AGO2: variants seen among roughly 807,000 people sequenced by gnomAD.
AGO2 encodes argonaute RISC catalytic component 2.
AGO2 carries 5 observed loss-of-function variants against 102.3 expected under a neutral mutation model. The ratio of observed to expected loss-of-function variants is 0.05; its 90% CI spans 0.03 to 0.10. AGO2 has a LOEUF of 0.10. AGO2 is among the 10% of genes least tolerant of loss of function. The pLI is 1.00. For missense variants in AGO2, 541 were observed against 1,183.7 expected (o/e 0.46, Z 7.97); for synonymous variants, 449 against 473.1 (o/e 0.95, Z 0.66).
intron 10 of AGO2, among the ~76,000 whole-genome samples, chr8:140,553,438 T>C (rs2073039853): frequency 6.8e-6 from 1 of 147,220 alleles, no homozygotes. Context: ...AGACGGAGTT[T>C]CGCTCTTGTT....
chr8:140,529,984 G>A lies in AGO2; in HGVS notation c.*2060C>T, dbSNP rs527263005. 3.9e-5 allele frequency: 6 copies of A among 152,178 alleles called. No individual in the cohort carries two copies. The highest frequency in any genetic ancestry group is 1.3e-4 in the Admixed American group (2 of 15,298). The allele number at this position is 152,178 out of a possible 1,614,324, so 9.4% of individuals were successfully genotyped here. On this transcript the variant is annotated 3_prime_UTR_variant, in exon 19 of 19. Coordinates refer to ENST00000220592, the MANE Select transcript of AGO2 (RefSeq NM_012154.5). ...GAATGCATCCATTAATTTAAGCTACGAGCATGTCTGTATCCTTCTGAAAAC... is the reference window on the plus strand; with the variant it reads ...GAATGCATCCATTAATTTAAGCTACAAGCATGTCTGTATCCTTCTGAAAAC...
chr8:140,527,328 G>A lies in AGO2; in HGVS notation c.*4716C>T, dbSNP rs527858872. The stretch of plus-strand genomic sequence containing the variant: ...AACTTTAACACATAATACTGAATAC[G>A]AGGCAGTGTCTCCACAACAGAGCCA... On this transcript the variant is annotated 3_prime_UTR_variant, in exon 19 of 19. Coordinates refer to ENST00000220592, the MANE Select transcript of AGO2 (RefSeq NM_012154.5). The surrounding 1 kb of genome is among the most constrained non-coding windows in gnomAD (Gnocchi z 6.0). The A allele has an allele frequency of 3.3e-5, 5 of 152,364 alleles. No individual in the cohort carries two copies. Among genetic ancestry groups the A allele is most frequent in the East Asian group, 1.9e-4 (1 of 5,182 alleles). 9.4% of individuals were successfully genotyped at this position (152,364 alleles called of 1,614,324 possible). A position where few individuals can be genotyped will look rare whatever the true frequency, so the allele number is the denominator to read the frequency against.
At chr8:140,568,103 C>CAAAAAAA (rs553804959) in intron 3 of AGO2, among the ~76,000 whole-genome samples, 284 of 110,554 alleles carry the variant, frequency 2.6e-3, no homozygotes, top group African/African-American at 4.0e-3. Context: ...ACTAAAAATA[C>CAAAAAAA]AAAAAAAAAA....
chr8:140,630,467 T>A (rs2074327924), intron 1 of AGO2, among the ~76,000 whole-genome samples: 1 of 152,218 alleles, frequency 6.6e-6, no homozygotes, highest in South Asian at 2.1e-4. Context: ...GTTCCTAAAC[T>A]TTTGGAGGAA....
At chr8:140,547,953 A>C (rs1486720274) in intron 12 of AGO2, among the ~76,000 whole-genome samples, 1 of 152,196 alleles carries the variant, frequency 6.6e-6, no homozygotes, top group Non-Finnish European at 1.5e-5. Context: ...TAAATGCCTC[A>C]CCTAGGGCCC....
At chr8:140,608,809 G>C (rs898272347) in intron 1 of AGO2, among the ~76,000 whole-genome samples, 25 of 152,362 alleles carry the variant, frequency 1.6e-4, no homozygotes, top group African/African-American at 5.5e-4. Flanking sequence ...CTCCAGGGCA[G>C]CAAGGGTCAT....
intron 16 of AGO2, among the ~76,000 whole-genome samples, chr8:140,535,868 G>C (rs907854290): frequency 6.6e-5 from 10 of 152,148 alleles, no homozygotes; most frequent in Non-Finnish European, 8.8e-5. Context: ...AGAGTCCCTC[G>C]ATACTGTTGG....
At chr8:140,533,624 T>G (rs557192854) in intron 17 of AGO2, among the ~76,000 whole-genome samples, 7 of 152,066 alleles carry the variant, frequency 4.6e-5, no homozygotes, top group African/African-American at 1.7e-4. Flanking sequence ...CTGGCCAACA[T>G]GGCAAAACAC....
At position 140,558,029 on chromosome 8, in the gene AGO2, C is replaced by T. The variant is rs144416791; in HGVS notation, c.878+456G>A. 7.9e-5 allele frequency among the ~76,000 whole-genome samples: 12 copies of T among 152,330 alleles called. No individual in the cohort carries two copies. The East Asian group carries it at 2.1e-3, about 27-fold the overall frequency. On this transcript the variant is annotated intron_variant, in intron 7 of 18. Coordinates refer to ENST00000220592, the MANE Select transcript of AGO2 (RefSeq NM_012154.5). ...AGGGGCCAAATCTATCACCTCCTCC[C>T]GCAAAGAAACACCAGTACAACCCAG... is the stretch of plus-strand genomic sequence containing the variant.
intron 1 of AGO2, among the ~76,000 whole-genome samples, chr8:140,621,918 C>T (rs1459467752): frequency 6.6e-6 from 1 of 152,138 alleles, no homozygotes; most frequent in African/African-American, 2.4e-5. Flanking sequence ...ACCATCTCAC[C>T]TAGCCCATGA....
intron 1 of AGO2, among the ~76,000 whole-genome samples, chr8:140,588,341 G>A (rs1409431342): frequency 6.6e-6 from 1 of 152,094 alleles, no homozygotes; most frequent in Non-Finnish European, 1.5e-5. Context: ...CAATAAAGCA[G>A]GTCACACCAA....
At chr8:140,630,050 C>G (rs138879644) in intron 1 of AGO2, among the ~76,000 whole-genome samples, 88 of 152,148 alleles carry the variant, frequency 5.8e-4, no homozygotes, top group African/African-American at 2.1e-3. Context: ...CAGCTCACAA[C>G]GGGGACACGC....
At chr8:140,631,630 A>G (rs1214262488) in intron 1 of AGO2, among the ~76,000 whole-genome samples, 1 of 152,218 alleles carries the variant, frequency 6.6e-6, no homozygotes, top group Non-Finnish European at 1.5e-5. Flanking sequence ...GGCGGAAGGC[A>G]GAGACCCAAA....
chr8:140,554,227 G>A (rs1254575491), intron 10 of AGO2, among the ~76,000 whole-genome samples: 1 of 152,222 alleles, frequency 6.6e-6, no homozygotes, highest in Non-Finnish European at 1.5e-5. Context: ...CATGAAGGGG[G>A]ATCACGGGCT....
At chr8:140,547,684 C>T (rs551919685) in intron 12 of AGO2, 57 bp from the exon 13 acceptor site, 29 of 1,560,682 alleles carry the variant, frequency 1.9e-5, no homozygotes, top group South Asian at 2.4e-5. Flanking sequence ...CAGCTGGCCC[C>T]GAGAGCAGCA....
At chr8:140,556,701 G>A (rs1272847245) in intron 8 of AGO2, among the ~76,000 whole-genome samples, 1 of 152,156 alleles carries the variant, frequency 6.6e-6, no homozygotes, top group Non-Finnish European at 1.5e-5. Context: ...AAACACCAAG[G>A]GAAGAGTTAC....
chr8:140,581,641 C>T (rs1276979104), intron 2 of AGO2, among the ~76,000 whole-genome samples: 2 of 152,146 alleles, frequency 1.3e-5, no homozygotes, highest in Non-Finnish European at 2.9e-5. Context: ...ACCAGCAGTC[C>T]CACTGATGGA....
At chr8:140,629,166 AC>A (rs1223997595) in intron 1 of AGO2, among the ~76,000 whole-genome samples, 1 of 152,176 alleles carries the variant, frequency 6.6e-6, no homozygotes, top group South Asian at 2.1e-4. Flanking sequence ...GGGGCCACGG[AC>A]TTTTTTGACA....
chr8:140,603,618 C>G (rs1445699503), intron 1 of AGO2, among the ~76,000 whole-genome samples: 3 of 152,218 alleles, frequency 2.0e-5, no homozygotes, highest in African/African-American at 7.2e-5. Flanking sequence ...AGAGGTGGAG[C>G]CACGCACGTG....
Sources: allele counts gnomAD v4.1 joint callset (sites outside exome capture counted in the v4.1 genomes callset), GRCh38; gene constraint gnomAD v4.1.1; non-coding constraint Gnocchi (gnomAD v3.1); transcripts MANE v1.5; gene names NCBI Gene and HGNC (gene_info 2026-07-23, HGNC 2026-07-21).